VCPKMT: variants seen among roughly 807,000 people sequenced by gnomAD.
The protein encoded by VCPKMT is valosin containing protein lysine methyltransferase.
VCPKMT carries 32 observed loss-of-function variants against 28.6 expected under a neutral mutation model. That is an observed-to-expected ratio of 1.12 (90% CI 0.84 to 1.50). The LOEUF is 1.50. Ranked by LOEUF, VCPKMT falls within the 40% of genes most tolerant of loss-of-function variation. The pLI is 0.00. For missense variants in VCPKMT, 366 were observed against 285.0 expected (o/e 1.28, Z -2.05); for synonymous variants, 138 against 111.4 (o/e 1.24, Z -1.50).
At chr14:50,106,410 G>A (rs1882321323), downstream of VCPKMT, among the ~76,000 whole-genome samples, 1 of 152,198 alleles carries the variant, frequency 6.6e-6, no homozygotes, top group Non-Finnish European at 1.5e-5. Context: ...AATTAGCTGT[G>A]TCCTGGCTGA....
intron 5 of VCPKMT, among the ~76,000 whole-genome samples, chr14:50,112,396 A>G (rs759882353): frequency 0.049 from 1,035 of 21,050 alleles, 7 homozygotes; most frequent in Non-Finnish European, 0.079. Context: ...AAAATACGAG[A>G]AAAAAAAAAA....
At position 50,116,350 on chromosome 14, in the gene VCPKMT, C is replaced by T. The variant is rs779158646; in HGVS notation, c.203G>A (p.Arg68Gln). Residue 68 changes from arginine to glutamine, a missense_variant, in exon 1 of 6, where the codon CGG becomes CAG. Physicochemically the swap from Arg to Gln is conservative, Grantham distance 43. Coordinates refer to ENST00000395860, the MANE Select transcript of VCPKMT (RefSeq NM_024558.3). ...FSGDGAHALS[R>Q]RSVLELGSGT... Reference sequence around the variant, plus strand: ...CGAACCCAGCTCCAGCACCGACCGCCGGCTCAGCGCGTGGGCCCCGTCGCC... The same window carrying T: ...CGAACCCAGCTCCAGCACCGACCGCTGGCTCAGCGCGTGGGCCCCGTCGCC... 5 of 1,612,336 alleles carry T rather than the reference C, an allele frequency of 3.1e-6. No homozygotes were observed. The highest frequency in any genetic ancestry group is 2.2e-5 in the East Asian group (1 of 44,818).
downstream of VCPKMT, among the ~76,000 whole-genome samples, chr14:50,105,255 T>C (rs952070977): frequency 2.6e-5 from 4 of 152,206 alleles, no homozygotes; most frequent in South Asian, 8.3e-4. Context: ...AAGGAAATTT[T>C]CAAGAAAGGT....
intron 5 of VCPKMT, among the ~76,000 whole-genome samples, chr14:50,110,932 A>G (rs182413223): frequency 6.6e-6 from 1 of 152,116 alleles, no homozygotes; most frequent in Non-Finnish European, 1.5e-5. Flanking sequence ...GACTTGTTAC[A>G]TATGACATGT....
At position 50,111,216 on chromosome 14, in the gene VCPKMT, C is replaced by A. The variant is rs1196058041; in HGVS notation, c.675+1399G>T. ...AAAAAAAGCCTCTATATTTAGGAAA[C>A]ACAAAATCTTTCTGCCTCCAAAAAA... On this transcript the variant is annotated intron_variant, in intron 5 of 5. Transcript: ENST00000395860. 9 of 979,234 alleles carry A rather than the reference C, an allele frequency of 9.2e-6. No individual in the cohort carries two copies. In the African/African-American group the frequency reaches 1.6e-4, roughly 18 times the overall value. 60.7% of individuals were successfully genotyped at this position (979,234 alleles called of 1,614,324 possible). A position where few individuals can be genotyped will look rare whatever the true frequency, so the allele number is the denominator to read the frequency against.
intron 5 of VCPKMT, chr14:50,111,661 G>A: frequency 1.0e-6 from 1 of 961,570 alleles, no homozygotes; most frequent in Non-Finnish European, 1.2e-6. Context: ...GCAGGTCACT[G>A]GAGTCCAGGA....
At chr14:50,115,809 G>A (rs1298577359) in intron 3 of VCPKMT, 30 bp downstream of exon 3, 7 of 1,580,620 alleles carry the variant, frequency 4.4e-6, no homozygotes, top group Non-Finnish European at 5.2e-6. Flanking sequence ...CATCTTCTAA[G>A]TGAAGAGACT....
intron 4 of VCPKMT, chr14:50,113,311 GA>G (rs956575676): frequency 5.3e-5 from 8 of 152,132 alleles, no homozygotes; most frequent in African/African-American, 1.9e-4. Context: ...AAAAGTTCAT[GA>G]ACATTTTTCA....
rs1253583530 is a variant in VCPKMT, at chr14:50,109,346, T to G, written c.*353A>C. The G allele has an allele frequency of 9.6e-7, 1 of 1,041,608 alleles. No homozygotes were observed. The highest frequency in any genetic ancestry group is 7.6e-5 in the East Asian group (1 of 13,170). The allele number at this position is 1,041,608 out of a possible 1,614,324, so 64.5% of individuals were successfully genotyped here. ...AGATAGTTCTCTTCAGAAATTTATC[T>G]CTAGCTTCCTGTAAAAGGTCCAGTC... On this transcript the variant is annotated 3_prime_UTR_variant, in exon 6 of 6. Transcript: ENST00000395860.
At chr14:50,108,469 G>A (rs1040408141), downstream of VCPKMT, among the ~76,000 whole-genome samples, 2 of 152,160 alleles carry the variant, frequency 1.3e-5, no homozygotes, top group African/African-American at 4.8e-5. Context: ...ATCTTGGCGG[G>A]GGGGAAACCA....
Position 50,116,166 on chromosome 14 carries a change from C to T in VCPKMT, c.280G>A (p.Val94Ile). ...TCTTGCAATTCCTCAAGATCGGTGA[C>T]TACAACATCAGCCCTATAAAATAAC... ...MAATLGADVVVTDLEELQDLL... is the reference protein window; with the variant it reads ...MAATLGADVVITDLEELQDLL... Residue 94 changes from valine (V) to isoleucine (I), a missense_variant, in exon 2 of 6, where the codon GTC (valine) becomes ATC (isoleucine). Coordinates refer to ENST00000395860, the MANE Select transcript of VCPKMT (RefSeq NM_024558.3). The T allele has an allele frequency of 6.2e-7, 1 of 1,614,098 alleles. No individual in the cohort carries two copies.
the VCPKMT span, among the ~76,000 whole-genome samples, chr14:50,103,312 GATT>G: frequency 6.6e-6 from 1 of 152,236 alleles, no homozygotes; most frequent in African/African-American, 2.4e-5. Flanking sequence ...CACAGTGAAA[GATT>G]ATTTAGGCAA....
chr14:50,106,699 ACTTCCTCAGGC>A (rs1396857524), downstream of VCPKMT: 2 of 953,994 alleles, frequency 2.1e-6, no homozygotes, highest in African/African-American at 3.5e-5. Flanking sequence ...ATCTCTAGTT[ACTTCCTCAGGC>A]CTTCCTCCTG....
rs1882501539 is a variant in VCPKMT at position 50,109,623 on chromosome 14, T to C, written c.*76A>G. 3 of 1,520,676 alleles carry C rather than the reference T, an allele frequency of 2.0e-6. No homozygotes were observed. The highest frequency in any genetic ancestry group is 1.8e-6 in the Non-Finnish European group (2 of 1,139,194). The allele number at this position is 1,520,676 out of a possible 1,614,324, so 94.2% of individuals were successfully genotyped here. Reference sequence around the variant, plus strand: ...AAAATCTGTGAACACAATCTTCCCATGCTGTATTCACATGCTCTATTCACA... The same window carrying C: ...AAAATCTGTGAACACAATCTTCCCACGCTGTATTCACATGCTCTATTCACA... On this transcript the variant is annotated 3_prime_UTR_variant, in exon 6 of 6. Transcript: ENST00000395860.
chr14:50,116,531 AGGACTCCAGCGT>A lies in VCPKMT; in HGVS notation c.10_21del (p.Thr4_Ser7del). On this transcript the variant is annotated inframe_deletion, in exon 1 of 6. Coordinates refer to ENST00000395860, the MANE Select transcript of VCPKMT (RefSeq NM_024558.3). ...AAGCTCCGCAGTGGGTCCTCCAGCG[AGGACTCCAGCGT>A]ATCCGCCATTGCGCCCGGCAACAGA... 6.2e-7 allele frequency: 1 copy of A among 1,612,492 alleles called. No homozygotes were observed.
downstream of VCPKMT, among the ~76,000 whole-genome samples, chr14:50,106,031 GC>G (rs1282839010): frequency 6.6e-6 from 1 of 152,060 alleles, no homozygotes; most frequent in Non-Finnish European, 1.5e-5. Context: ...CAGATGGTTT[GC>G]TTTTTATATA....
chr14:50,116,521 T>A lies in VCPKMT; in HGVS notation c.32A>T (p.Asp11Val), dbSNP rs1342808098. MADTLESSLE[D>V]PLRSFVRVLE... ...AACTCGCACAAAGCTCCGCAGTGGG[T>A]CCTCCAGCGAGGACTCCAGCGTATC... is the stretch of plus-strand genomic sequence containing the variant. Residue 11 changes from aspartate to valine, a missense_variant, in exon 1 of 6, where the codon GAC (aspartate) becomes GTC (valine). By Grantham distance (152) the Asp-to-Val change is radical (BLOSUM62 -3). Coordinates refer to ENST00000395860, the MANE Select transcript of VCPKMT (RefSeq NM_024558.3). 2 of 1,613,024 alleles carry A rather than the reference T, an allele frequency of 1.2e-6. No homozygotes were observed. Among genetic ancestry groups the A allele is most frequent in the Non-Finnish European group, 1.7e-6 (2 of 1,179,658 alleles).
At chr14:50,116,019 A>G (rs1451136496) in intron 2 of VCPKMT, 50 bp downstream of exon 2, 2 of 1,594,286 alleles carry the variant, frequency 1.3e-6, no homozygotes, top group East Asian at 4.5e-5. Flanking sequence ...ACGCAATTCA[A>G]AACAAACTAC....
At chr14:50,115,794 A>G (rs1336405752) in intron 3 of VCPKMT, 45 bp downstream of exon 3, 1 of 1,557,308 alleles carries the variant, frequency 6.4e-7, no homozygotes, top group Admixed American at 1.8e-5. Context: ...TCATGGAATA[A>G]GGTTCATCTT....
Sources: gnomAD v4.1 joint callset for allele counts (sites outside exome capture counted in the v4.1 genomes callset) on GRCh38, gnomAD v4.1.1 for gene constraint, MANE v1.5 for transcripts, NCBI Gene and HGNC (gene_info 2026-07-23, HGNC 2026-07-21) for gene names.